The following DECR2 variants were observed in gnomAD, a reference collection of about 807,000 sequenced individuals.
The protein encoded by DECR2 is peroxisomal 2,4-dienoyl-CoA reductase [(3E)-enoyl-CoA-producing].
Under a neutral mutation model 29.2 loss-of-function variants are expected in DECR2, and 34 were observed. The observed-to-expected ratio is 1.16, with a 90% CI of 0.89 to 1.55. DECR2 has a LOEUF of 1.55. DECR2 is among the 40% of genes most tolerant of loss of function. The probability of loss-of-function intolerance (pLI) is 0.00; values close to 1 mark genes in which losing one functional copy is unlikely to be tolerated. For synonymous variants in DECR2, 224 were observed against 182.7 expected (o/e 1.23, Z -1.82); for missense variants, 485 against 425.3 (o/e 1.14, Z -1.23).
At chr16:408,225 C>T (rs1294760925) in intron 4 of DECR2, among the ~76,000 whole-genome samples, 4 of 149,168 alleles carry the variant, frequency 2.7e-5, no homozygotes, top group East Asian at 2.0e-4. Context: ...GTCTCCGGGC[C>T]TCTGTCTCCG....
chr16:404,018 A>G (rs2054696568), intron 1 of DECR2, among the ~76,000 whole-genome samples: 2 of 149,410 alleles, frequency 1.3e-5, no homozygotes, highest in Admixed American at 1.3e-4. Flanking sequence ...CTAAAAATAC[A>G]AAAAATTAGC....
At chr16:402,943 C>A (rs1257757548) in intron 1 of DECR2, 86 of 754,906 alleles carry the variant, frequency 1.1e-4, no homozygotes, top group Middle Eastern at 6.7e-4. Context: ...CGAGATCGCA[C>A]CATTGCACTG....
At chr16:407,124 G>T (rs931707186) in intron 3 of DECR2, 3 of 1,194,230 alleles carry the variant, frequency 2.5e-6, no homozygotes, top group Non-Finnish European at 3.1e-6. Flanking sequence ...CCTGGGAGGA[G>T]AGTCTCACCT....
rs1356122291 is a variant in DECR2, at chr16:410,586, C to T, written c.463-105C>T. On this transcript the variant is annotated intron_variant, in intron 5 of 8. Coordinates refer to ENST00000219481, the MANE Select transcript of DECR2 (RefSeq NM_020664.4). This position sits in a 1 kb window ranked among gnomAD's most constrained non-coding sequence, Gnocchi z 4.1. The stretch of plus-strand genomic sequence containing the variant: ...CTGCCCTGGGCCTCCCCCTGACGGC[C>T]GCCCGCTCCCTGCCCCGGGCCTCCC... The T allele has an allele frequency of 1.6e-5, 23 of 1,405,064 alleles. No homozygotes were observed. Among genetic ancestry groups the T allele is most frequent in the African/African-American group, 7.1e-5 (5 of 70,024 alleles). The allele number at this position is 1,405,064 out of a possible 1,614,324, so 87.0% of individuals were successfully genotyped here. A position where few individuals can be genotyped will look rare whatever the true frequency, so the allele number is the denominator to read the frequency against.
Position 410,543 on chromosome 16 carries a change from A to T in DECR2, c.463-148A>T, listed in dbSNP as rs3743894. ...CCCGCTCCCTGCCCTGGGCCTCCCC[A>T]TGACGGCCGCCCGCTCCCTGCCCTG... On this transcript the variant is annotated intron_variant, in intron 5 of 8. Coordinates refer to ENST00000219481, the MANE Select transcript of DECR2 (RefSeq NM_020664.4). This position sits in a 1 kb window ranked among gnomAD's most constrained non-coding sequence, Gnocchi z 4.1. The T allele has an allele frequency of 6.0e-6, 6 of 998,682 alleles. No homozygotes were observed. In the South Asian group the frequency reaches 6.6e-5, roughly 11 times the overall value. The allele number at this position is 998,682 out of a possible 1,614,324, so 61.9% of individuals were successfully genotyped here.
Position 410,802 on chromosome 16 carries a change from C to A in DECR2, c.556+18C>A, listed in dbSNP as rs759736356. The A allele has an allele frequency of 4.5e-6, 7 of 1,564,964 alleles. No individual in the cohort carries two copies. The highest frequency in any genetic ancestry group is 3.5e-5 in the South Asian group (3 of 85,570). On this transcript the variant is annotated intron_variant, in intron 6 of 8. Transcript: ENST00000219481. The surrounding 1 kb of genome is among the most constrained non-coding windows in gnomAD (Gnocchi z 4.1). ...CGCTGTGGGTATGACCACCCCCCCC[C>A]GCCCAGGTTTGCCCACGTGGGTCCC...
chr16:407,307 C>T (rs2054736787), intron 3 of DECR2, 118 bp from the exon 4 acceptor site: 1 of 1,477,996 alleles, frequency 6.8e-7, no homozygotes, highest in Admixed American at 2.3e-5. Flanking sequence ...GAGTGGGGTC[C>T]AGCAGCAAAC....
rs1555495824 is a variant in DECR2 at position 410,391 on chromosome 16, A to G, written c.462+24A>G. The G allele has an allele frequency of 6.3e-7, 1 of 1,596,212 alleles. No individual in the cohort carries two copies. The highest frequency in any genetic ancestry group is 8.6e-7 in the Non-Finnish European group (1 of 1,168,756). ...GGGTGGGTGCCTCGTGCGCTCTGTG[A>G]GAAGTTCTTCCGGGTGGGTGCCTCG... On this transcript the variant is annotated intron_variant, in intron 5 of 8. Transcript: ENST00000219481. This position sits in a 1 kb window ranked among gnomAD's most constrained non-coding sequence, Gnocchi z 4.1.
Position 410,708 on chromosome 16 carries a change from C to T in DECR2, c.480C>T (p.Ile160=), listed in dbSNP as rs149208666. 8.5e-5 allele frequency: 136 copies of T among 1,607,076 alleles called. No individual in the cohort carries two copies. The East Asian group carries it at 2.9e-3, about 35-fold the overall frequency. The change falls in exon 6 of 9, where the codon ATC becomes ATT. Residue 160 remains isoleucine, a synonymous_variant. Transcript: ENST00000219481. The surrounding 1 kb of genome is among the most constrained non-coding windows in gnomAD (Gnocchi z 4.1). ...EKFFRDHGGV[I]VNITATLGNR... is the part of the protein sequence containing the mutation. Reference sequence around the variant, plus strand: ...TGTTGCAGGACCACGGAGGGGTGATCGTGAACATCACTGCCACCCTGGGGA... The same window carrying T: ...TGTTGCAGGACCACGGAGGGGTGATTGTGAACATCACTGCCACCCTGGGGA...
chr16:402,226 G>A (rs1341401104), intron 1 of DECR2, among the ~76,000 whole-genome samples, 183 bp downstream of exon 1: 2 of 151,072 alleles, frequency 1.3e-5, no homozygotes, highest in Non-Finnish European at 3.0e-5. Context: ...CCAGGCTGGA[G>A]TGCAGTGGCA....
chr16:407,062 C>T, intron 3 of DECR2: 1 of 1,068,852 alleles, frequency 9.4e-7, no homozygotes, highest in Non-Finnish European at 1.1e-6. Flanking sequence ...GACCTCTGGG[C>T]TCACCTGGGT....
intron 3 of DECR2, 140 bp downstream of exon 3, chr16:406,537 A>T: frequency 1.2e-6 from 1 of 809,046 alleles, no homozygotes; most frequent in Non-Finnish European, 2.0e-6. Context: ...TCGCTCTGTC[A>T]CCCAGGCTGA....
Position 410,405 on chromosome 16 carries a change from G to A in DECR2, c.462+38G>A. 1 of 1,592,150 alleles carries A rather than the reference G, an allele frequency of 6.3e-7. No individual in the cohort carries two copies. Among genetic ancestry groups the A allele is most frequent in the Non-Finnish European group, 8.6e-7 (1 of 1,165,806 alleles). On this transcript the variant is annotated intron_variant, in intron 5 of 8. Transcript: ENST00000219481. The surrounding 1 kb of genome is among the most constrained non-coding windows in gnomAD (Gnocchi z 4.1). Reference sequence around the variant, plus strand: ...TGCGCTCTGTGAGAAGTTCTTCCGGGTGGGTGCCTCGTGCGCTCTGTGAGA... The same window carrying A: ...TGCGCTCTGTGAGAAGTTCTTCCGGATGGGTGCCTCGTGCGCTCTGTGAGA...
rs116164566 is a variant in DECR2, at chr16:410,274, C to T, written c.369C>T (p.Gly123=). 2.0e-3 allele frequency: 3,217 copies of T among 1,613,572 alleles called. 32 individuals carry two copies. In the African/African-American group the frequency reaches 0.022, roughly 11 times the overall value. The change falls in exon 5 of 9, where the codon GGC becomes GGT. Residue 123 remains glycine (G), a synonymous_variant. Coordinates refer to ENST00000219481, the MANE Select transcript of DECR2 (RefSeq NM_020664.4). This position sits in a 1 kb window ranked among gnomAD's most constrained non-coding sequence, Gnocchi z 4.1. The part of the protein sequence containing the change: ...CAAGNFLCPA[G]ALSFNAFKTV... ...CCGGGAACTTCCTGTGCCCCGCTGG[C>T]GCCTTGTCCTTCAACGCCTTCAAGA...
chr16:404,040 G>A (rs1048279380), intron 1 of DECR2, among the ~76,000 whole-genome samples: 7 of 151,928 alleles, frequency 4.6e-5, no homozygotes, highest in Non-Finnish European at 8.8e-5. Flanking sequence ...GGGCGTGGTG[G>A]CAGGTGCCTG....
Position 410,334 on chromosome 16 carries a change from T to C in DECR2, c.429T>C (p.Asn143=), listed in dbSNP as rs1322497978. The C allele has an allele frequency of 9.3e-6, 15 of 1,612,524 alleles. No individual in the cohort carries two copies. The highest frequency in any genetic ancestry group is 1.7e-4 in the Middle Eastern group (1 of 5,848). Residue 143 remains asparagine (N), a synonymous_variant, in exon 5 of 9, where the codon AAT becomes AAC. Coordinates refer to ENST00000219481, the MANE Select transcript of DECR2 (RefSeq NM_020664.4). This position sits in a 1 kb window ranked among gnomAD's most constrained non-coding sequence, Gnocchi z 4.1. ...VMDIDTSGTF[N]VSRVLYEKFF... ...ACATCGATACCAGCGGCACCTTCAATGTGTCTCGTGTGCTCTATGAGAAGT... is the reference window on the plus strand; with the variant it reads ...ACATCGATACCAGCGGCACCTTCAACGTGTCTCGTGTGCTCTATGAGAAGT...
In DECR2 at chr16:411,570, A is replaced by G. The variant is rs1441906315; in HGVS notation, c.871A>G (p.Lys291Glu). The G allele has an allele frequency of 4.3e-6, 7 of 1,611,938 alleles. No individual in the cohort carries two copies. The highest frequency in any genetic ancestry group is 5.9e-6 in the Non-Finnish European group (7 of 1,178,950). ...GCCGGATTTCGCATCCTTCTCTGCT[A>G]AGCTCTAGGTGAGGTACTGCTCCCG... Reference protein sequence around the residue: ...GLPDFASFSAKL With the variant: ...GLPDFASFSAEL The change falls in exon 8 of 9, where the codon AAG becomes GAG. Residue 291 changes from lysine to glutamate, a missense_variant. Lys to Glu is a moderately conservative substitution (Grantham distance 56). Coordinates refer to ENST00000219481, the MANE Select transcript of DECR2 (RefSeq NM_020664.4).
intron 1 of DECR2, among the ~76,000 whole-genome samples, chr16:403,825 C>T (rs2054694176): frequency 6.6e-6 from 1 of 152,132 alleles, no homozygotes; most frequent in Admixed American, 6.6e-5. Context: ...CGGCAGTGAG[C>T]CGTGATGGTG....
rs745876814 is a variant in DECR2, at chr16:404,992, G to A, written c.117G>A (p.Gly39=). 1.9e-6 allele frequency: 3 copies of A among 1,614,134 alleles called. No homozygotes were observed. Among genetic ancestry groups the A allele is most frequent in the East Asian group, 4.5e-5 (2 of 44,894 alleles). ...KVAFITGGGS[G]IGFRIAEIFM... ...CCTTCATCACAGGAGGCGGCTCTGG[G>A]ATTGGGTTCCGGATTGCTGAGATTT... Residue 39 remains glycine (G), a synonymous_variant, in exon 2 of 9, where the codon GGG becomes GGA. Transcript: ENST00000219481.
Sources: allele counts gnomAD v4.1 joint callset (sites outside exome capture counted in the v4.1 genomes callset), GRCh38; gene constraint gnomAD v4.1.1; non-coding constraint Gnocchi (gnomAD v3.1); transcripts MANE v1.5; gene names NCBI Gene and HGNC (gene_info 2026-07-23, HGNC 2026-07-21).